DCDC2: variants seen among roughly 807,000 people sequenced by gnomAD.
The protein encoded by DCDC2 is doublecortin domain containing 2, also known as doublecortin domain-containing protein 2.
In DCDC2, 40 loss-of-function variants were observed where a neutral mutation model predicts 50.2. The observed-to-expected ratio is 0.80, with a 90% CI of 0.62 to 1.04. DCDC2 has a LOEUF of 1.04. Among genes scored for constraint, DCDC2 ranks in the 50% least tolerant of loss-of-function variants. DCDC2 has a pLI of 0.00. For missense variants in DCDC2, 570 were observed against 581.9 expected (o/e 0.98, Z 0.21); for synonymous variants, 234 against 210.6 (o/e 1.11, Z -0.96).
chr6:24,278,399 G>A (rs1763406462), intron 6 of DCDC2, among the ~76,000 whole-genome samples, 188 bp from the exon 7 acceptor site: 1 of 152,150 alleles, frequency 6.6e-6, no homozygotes, highest in African/African-American at 2.4e-5. Context: ...GGGTCTAGGA[G>A]AGGAAGGAGG....
At chr6:24,325,009 C>T (rs545074419) in intron 2 of DCDC2, among the ~76,000 whole-genome samples, 2 of 152,230 alleles carry the variant, frequency 1.3e-5, no homozygotes, top group East Asian at 3.9e-4. Context: ...AAGGATTTCA[C>T]ATTAAATGCA....
At chr6:24,273,320 C>T (rs1401044165) in intron 7 of DCDC2, among the ~76,000 whole-genome samples, 3 of 152,106 alleles carry the variant, frequency 2.0e-5, no homozygotes, top group Non-Finnish European at 4.4e-5. Flanking sequence ...GAAATTACAT[C>T]ATGGGGACAA....
chr6:24,294,082 G>A (rs1375358174), intron 4 of DCDC2, among the ~76,000 whole-genome samples: 1 of 152,192 alleles, frequency 6.6e-6, no homozygotes, highest in Non-Finnish European at 1.5e-5. Flanking sequence ...AGTTGCCTGG[G>A]CATGGTGTCT....
Position 24,353,630 on chromosome 6 carries a change from A to G in DCDC2, c.294-7T>C. 1 of 1,569,008 alleles carries G rather than the reference A, an allele frequency of 6.4e-7. No homozygotes were observed. ...TTCTCCTATGTCCAAGTAACTGAGGAAAAAACAAACAAACAATAAGAGTTG... is the reference window on the plus strand; with the variant it reads ...TTCTCCTATGTCCAAGTAACTGAGGGAAAAACAAACAAACAATAAGAGTTG... On this transcript the variant is annotated splice_polypyrimidine_tract_variant and splice_region_variant and intron_variant, in intron 1 of 9. Transcript: ENST00000378454.
chr6:24,257,914 G>A (rs575828722), intron 7 of DCDC2, among the ~76,000 whole-genome samples: 6 of 152,046 alleles, frequency 3.9e-5, no homozygotes. Flanking sequence ...TGAGAAAGTA[G>A]AATCAATGAA....
At chr6:24,362,614 G>A (rs1436579117), upstream of DCDC2, among the ~76,000 whole-genome samples, 5 of 151,752 alleles carry the variant, frequency 3.3e-5, no homozygotes, top group Non-Finnish European at 7.4e-5. Flanking sequence ...GAATTTAACA[G>A]TTGCCTCACA....
chr6:24,215,728 C>T (rs760443672), intron 7 of DCDC2, among the ~76,000 whole-genome samples: 6 of 152,136 alleles, frequency 3.9e-5, no homozygotes, highest in African/African-American at 9.7e-5. Context: ...TGGGTCAGGA[C>T]GCTCCGAAGC....
upstream of DCDC2, among the ~76,000 whole-genome samples, chr6:24,358,938 T>C (rs1298557706): frequency 2.5e-5 from 1 of 39,748 alleles, no homozygotes. Context: ...TTATATATTT[T>C]ATATATTATA....
At chr6:24,357,396 T>C in intron 1 of DCDC2, 62 bp downstream of exon 1, 2 of 1,506,492 alleles carry the variant, frequency 1.3e-6, no homozygotes, top group Non-Finnish European at 1.8e-6. Flanking sequence ...TCTGCATTTC[T>C]TCATATCAAC....
At chr6:24,228,952 T>C (rs970487649) in intron 7 of DCDC2, among the ~76,000 whole-genome samples, 3 of 152,230 alleles carry the variant, frequency 2.0e-5, no homozygotes, top group East Asian at 3.8e-4. Flanking sequence ...ACTTCTGAAG[T>C]GCTTTCTGGT....
chr6:24,337,308 T>C (rs79961213), intron 2 of DCDC2, among the ~76,000 whole-genome samples: 1,853 of 152,312 alleles, frequency 0.012, 41 homozygotes, highest in African/African-American at 0.041. Context: ...GTAAAAATAT[T>C]TCTGGTTTCC....
chr6:24,301,957 T>A lies in DCDC2; in HGVS notation c.425+11A>T. On this transcript the variant is annotated intron_variant, in intron 3 of 9. Coordinates refer to ENST00000378454, the MANE Select transcript of DCDC2 (RefSeq NM_016356.5). The stretch of plus-strand genomic sequence containing the variant: ...CAATTTTAACTTGAAGTATAAAGGG[T>A]TTCAACTTACAAGATAGTGCACGGC... The A allele has an allele frequency of 6.2e-7, 1 of 1,613,292 alleles. No homozygotes were observed. Among genetic ancestry groups the A allele is most frequent in the Non-Finnish European group, 8.5e-7 (1 of 1,179,748 alleles).
At chr6:24,359,203 TA>T (rs1295025517), upstream of DCDC2, among the ~76,000 whole-genome samples, 1 of 79,168 alleles carries the variant, frequency 1.3e-5, no homozygotes, top group Non-Finnish European at 2.1e-5. Context: ...ATATTATATA[TA>T]TTTTATATAT....
chr6:24,358,881 A>ATT (rs1760550021), upstream of DCDC2, among the ~76,000 whole-genome samples: 1 of 17,300 alleles, frequency 5.8e-5, no homozygotes, highest in African/African-American at 2.7e-4. Flanking sequence ...TATATGTATT[A>ATT]TATATATTTA....
chr6:24,245,758 G>A (rs1051628301), intron 7 of DCDC2, among the ~76,000 whole-genome samples: 1 of 152,110 alleles, frequency 6.6e-6, no homozygotes, highest in African/African-American at 2.4e-5. Flanking sequence ...ACTAAAAAGT[G>A]CATCAAAATG....
chr6:24,240,315 C>T lies in DCDC2; in HGVS notation c.923-35213G>A, dbSNP rs530765131. Among the ~76,000 whole-genome samples, 6 of 152,280 alleles carry T rather than the reference C, an allele frequency of 3.9e-5. No homozygotes were observed. The South Asian group carries it at 8.3e-4, about 21-fold the overall frequency. On this transcript the variant is annotated intron_variant, in intron 7 of 9. Coordinates refer to ENST00000378454, the MANE Select transcript of DCDC2 (RefSeq NM_016356.5). ...AGGTGCATCAGAAAGGAAGAAGAGG[C>T]TGGAGTATTAATTGAACACTGAGTT...
At chr6:24,222,603 T>C (rs935895972) in intron 7 of DCDC2, among the ~76,000 whole-genome samples, 1 of 152,338 alleles carries the variant, frequency 6.6e-6, no homozygotes, top group Non-Finnish European at 1.5e-5. Context: ...TGTAACTTTG[T>C]TTTTATTCTT....
intron 7 of DCDC2, among the ~76,000 whole-genome samples, chr6:24,210,750 G>A (rs1465613858): frequency 6.6e-6 from 1 of 152,136 alleles, no homozygotes; most frequent in East Asian, 1.9e-4. Flanking sequence ...TAATTCCACA[G>A]CTTAGAAACT....
rs1190742755 is a variant in DCDC2 at position 24,289,019 on chromosome 6, AAAGG to A, written c.705-117_705-114del. On this transcript the variant is annotated intron_variant, in intron 5 of 9. Coordinates refer to ENST00000378454, the MANE Select transcript of DCDC2 (RefSeq NM_016356.5). ...CAACTGTTTACTGCTGTGTTTCACA[AAAGG>A]TAGATAACATACACTTTAACACATA... 5 of 719,010 alleles carry A rather than the reference AAAGG, an allele frequency of 7.0e-6. No individual in the cohort carries two copies. The African/African-American group carries it at 9.0e-5, about 13-fold the overall frequency. 44.5% of individuals were successfully genotyped at this position (719,010 alleles called of 1,614,324 possible).
Sources: gnomAD v4.1 joint callset for allele counts (sites outside exome capture counted in the v4.1 genomes callset) on GRCh38, gnomAD v4.1.1 for gene constraint, MANE v1.5 for transcripts, NCBI Gene and HGNC (gene_info 2026-07-23, HGNC 2026-07-21) for gene names.